Variants in MMP16 observed in about 807,000 individuals in gnomAD.
MMP16 encodes matrix metallopeptidase 16, also known as matrix metalloproteinase-16.
Under a neutral mutation model 67.8 loss-of-function variants are expected in MMP16, and 12 were observed. That is an observed-to-expected ratio of 0.18 (90% CI 0.11 to 0.29). The LOEUF is 0.29. Ranked by LOEUF, MMP16 falls within the 10% of genes least tolerant of loss-of-function variation. MMP16 has a pLI of 1.00. For synonymous variants in MMP16, 249 were observed against 255.9 expected (o/e 0.97, Z 0.26); for missense variants, 475 against 765.7 (o/e 0.62, Z 4.48).
intron 8 of MMP16, among the ~76,000 whole-genome samples, chr8:88,051,096 T>G (rs1808264685): frequency 6.6e-6 from 1 of 152,234 alleles, no homozygotes; most frequent in Admixed American, 6.5e-5. Flanking sequence ...TTGTGTCAGC[T>G]TTGAAATATT....
chr8:88,153,780 C>T (rs1392897732), intron 4 of MMP16, among the ~76,000 whole-genome samples: 1 of 150,842 alleles, frequency 6.6e-6, no homozygotes, highest in Admixed American at 6.6e-5. Context: ...AAAACCTAGG[C>T]ATTACCATTC....
At chr8:88,043,449 A>G (rs1808158420) in intron 9 of MMP16, among the ~76,000 whole-genome samples, 1 of 152,084 alleles carries the variant, frequency 6.6e-6, no homozygotes, top group Non-Finnish European at 1.5e-5. Flanking sequence ...ATGCCTAGCT[A>G]ATTTTGTATT....
At chr8:88,292,453 T>G (rs980239996) in intron 1 of MMP16, among the ~76,000 whole-genome samples, 21 of 152,300 alleles carry the variant, frequency 1.4e-4, no homozygotes, top group African/African-American at 4.3e-4. Context: ...CGCCACTAGG[T>G]GCAGCTACTC....
chr8:88,284,678 T>C (rs28986502), intron 1 of MMP16, among the ~76,000 whole-genome samples: 1 of 152,232 alleles, frequency 6.6e-6, no homozygotes, highest in East Asian at 1.9e-4. Flanking sequence ...TAAGTGCTAT[T>C]TACTCACCAT....
intron 6 of MMP16, among the ~76,000 whole-genome samples, chr8:88,102,329 G>C (rs1026887180): frequency 6.6e-6 from 1 of 151,914 alleles, no homozygotes; most frequent in Non-Finnish European, 1.5e-5. Context: ...ATTTACAGAT[G>C]TGTCACACAG....
At chr8:88,198,880 T>C (rs1307972236) in intron 1 of MMP16, among the ~76,000 whole-genome samples, 2 of 151,914 alleles carry the variant, frequency 1.3e-5, no homozygotes, top group Non-Finnish European at 2.9e-5. Context: ...CCAGGGAAAA[T>C]ATGAATATTC....
At chr8:88,178,493 T>C (rs1448654836) in intron 3 of MMP16, among the ~76,000 whole-genome samples, 2 of 152,180 alleles carry the variant, frequency 1.3e-5, no homozygotes, top group African/African-American at 4.8e-5. Context: ...GAAAAAAGAA[T>C]TGAAATGAAT....
At chr8:88,063,691 C>T (rs1209609749) in intron 7 of MMP16, among the ~76,000 whole-genome samples, 1 of 151,866 alleles carries the variant, frequency 6.6e-6, no homozygotes, top group Non-Finnish European at 1.5e-5. Flanking sequence ...AGCCACACCG[C>T]CAGGTGCTAA....
intron 4 of MMP16, among the ~76,000 whole-genome samples, chr8:88,147,806 C>T (rs1280755920): frequency 6.6e-6 from 1 of 150,766 alleles, no homozygotes. Context: ...TGTGCATGCA[C>T]GCCCCTAGTT....
chr8:88,167,188 G>C (rs1323777571), intron 4 of MMP16, among the ~76,000 whole-genome samples: 3 of 151,904 alleles, frequency 2.0e-5, no homozygotes, highest in Non-Finnish European at 4.4e-5. Flanking sequence ...CTCCAGCCTG[G>C]GCGACAAGAG....
rs115805445 is a variant in MMP16, at chr8:88,094,519, C to G, written c.1084-19776G>C. Reference sequence around the variant, plus strand: ...AGTACACAAAAGAAACAGTATCTTTCTCCCTTGTGCTATGTTCTGTCTAGT... The same window carrying G: ...AGTACACAAAAGAAACAGTATCTTTGTCCCTTGTGCTATGTTCTGTCTAGT... On this transcript the variant is annotated intron_variant, in intron 6 of 9. Transcript: ENST00000286614. Among the ~76,000 whole-genome samples, 1,195 of 151,586 alleles carry G rather than the reference C, an allele frequency of 7.9e-3. 15 individuals are homozygous for G. Among genetic ancestry groups the G allele is most frequent in the African/African-American group, 0.028 (1,141 of 41,442 alleles).
chr8:88,080,180 G>A (rs1586139860), intron 6 of MMP16, among the ~76,000 whole-genome samples: 1 of 152,246 alleles, frequency 6.6e-6, no homozygotes, highest in Non-Finnish European at 1.5e-5. Flanking sequence ...ACTGTGTCTG[G>A]TGTACTGCAG....
At chr8:88,150,909 C>G (rs1408313091) in intron 4 of MMP16, among the ~76,000 whole-genome samples, 88 of 138,114 alleles carry the variant, frequency 6.4e-4, no homozygotes, top group African/African-American at 2.3e-3. Flanking sequence ...TTAAAAGACA[C>G]AGACTGGCAA....
At chr8:88,170,042 A>C (rs565668868) in intron 3 of MMP16, among the ~76,000 whole-genome samples, 1 of 152,176 alleles carries the variant, frequency 6.6e-6, no homozygotes, top group Non-Finnish European at 1.5e-5. Flanking sequence ...GGTGCTTTGG[A>C]CCAGGTTGGT....
rs574082303 is a variant in MMP16 at position 88,038,225 on chromosome 8, T to A, written c.*3236A>T. 3 of 152,164 alleles carry A rather than the reference T, an allele frequency of 2.0e-5. No individual in the cohort carries two copies. In the South Asian group the frequency reaches 6.2e-4, roughly 31 times the overall value. 9.4% of individuals were successfully genotyped at this position (152,164 alleles called of 1,614,324 possible). A position where few individuals can be genotyped will look rare whatever the true frequency, so the allele number is the denominator to read the frequency against. On this transcript the variant is annotated 3_prime_UTR_variant, in exon 10 of 10. Coordinates refer to ENST00000286614, the MANE Select transcript of MMP16 (RefSeq NM_005941.5). This position sits in a 1 kb window ranked among gnomAD's most constrained non-coding sequence, Gnocchi z 4.1. ...GTTTGTGATTACATTGTCCTTATTG[T>A]CTTCTTATCTCTTGTAATAGTACAG... is the stretch of plus-strand genomic sequence containing the variant.
intron 6 of MMP16, among the ~76,000 whole-genome samples, chr8:88,077,981 A>T (rs1808678952): frequency 1.3e-5 from 2 of 152,136 alleles, no homozygotes; most frequent in Admixed American, 6.6e-5. Flanking sequence ...AAGAAAGATG[A>T]ATAACCCTTA....
rs181587310 is a variant in MMP16 at position 88,210,516 on chromosome 8, C to T, written c.133-13210G>A. On this transcript the variant is annotated intron_variant, in intron 1 of 9. Coordinates refer to ENST00000286614, the MANE Select transcript of MMP16 (RefSeq NM_005941.5). The stretch of plus-strand genomic sequence containing the variant: ...TTTTCTGCCTACTGGGTTTACTACC[C>T]GGTTATTTACCACCGTACTCTCCCC... Among the ~76,000 whole-genome samples, 59 of 152,214 alleles carry T rather than the reference C, an allele frequency of 3.9e-4. No individual in the cohort carries two copies. The East Asian group carries it at 6.8e-3, about 17-fold the overall frequency.
chr8:88,114,652 T>C (rs1809398873), intron 6 of MMP16, among the ~76,000 whole-genome samples: 1 of 151,832 alleles, frequency 6.6e-6, no homozygotes, highest in African/African-American at 2.4e-5. Context: ...AAGAACAAAA[T>C]GCCTATTAGA....
At chr8:88,099,502 C>T (rs1051958230) in intron 6 of MMP16, among the ~76,000 whole-genome samples, 1 of 151,820 alleles carries the variant, frequency 6.6e-6, no homozygotes, top group African/African-American at 2.4e-5. Flanking sequence ...TATTTTGAAA[C>T]ATTTAAAATG....
Sources: allele counts gnomAD v4.1 joint callset (sites outside exome capture counted in the v4.1 genomes callset), GRCh38; gene constraint gnomAD v4.1.1; non-coding constraint Gnocchi (gnomAD v3.1); transcripts MANE v1.5; gene names NCBI Gene and HGNC (gene_info 2026-07-23, HGNC 2026-07-21).